Variants in RICTOR observed in about 807,000 individuals in gnomAD.
RICTOR encodes rapamycin-insensitive companion of mTOR.
In RICTOR, 49 loss-of-function variants were observed where a neutral mutation model predicts 214.9. The observed-to-expected ratio is 0.23, with a 90% confidence interval of 0.18 to 0.29. The LOEUF (loss-of-function observed/expected upper bound fraction) is 0.29. Ranked by LOEUF, RICTOR falls within the 10% of genes least tolerant of loss-of-function variation. RICTOR has a pLI of 1.00. For synonymous variants in RICTOR, 717 were observed against 711.3 expected (o/e 1.01, Z -0.13); for missense variants, 1,625 against 2,047.0 (o/e 0.79, Z 3.98).
intron 6 of RICTOR, among the ~76,000 whole-genome samples, chr5:38,994,502 T>G (rs548603525): frequency 7.0e-6 from 1 of 143,002 alleles, no homozygotes. Context: ...CTCTGGCCGA[T>G]AGAGGCCACT....
chr5:39,053,399 GA>G (rs1177926579), intron 2 of RICTOR, among the ~76,000 whole-genome samples: 1 of 152,058 alleles, frequency 6.6e-6, no homozygotes, highest in Non-Finnish European at 1.5e-5. Flanking sequence ...TCACTCAGAG[GA>G]AAAGAGTCTA....
intron 10 of RICTOR, among the ~76,000 whole-genome samples, chr5:38,973,237 T>C (rs932585095): frequency 2.0e-5 from 3 of 152,216 alleles, no homozygotes; most frequent in Non-Finnish European, 4.4e-5. Flanking sequence ...ACTAATGATG[T>C]GTGCATTTCA....
At chr5:38,979,928 T>G (rs1751565927) in intron 8 of RICTOR, among the ~76,000 whole-genome samples, 1 of 152,220 alleles carries the variant, frequency 6.6e-6, no homozygotes, top group Non-Finnish European at 1.5e-5. Context: ...TATTTCTTTT[T>G]TCTCTGTGCT....
chr5:38,981,741 T>C (rs1012807058), intron 8 of RICTOR, 126 bp downstream of exon 8: 17 of 601,592 alleles, frequency 2.8e-5, no homozygotes, highest in Non-Finnish European at 4.8e-5. Context: ...TGGGAATAAA[T>C]TAGTGTCGGC....
At chr5:38,994,143 TTG>T (rs1752988631) in intron 6 of RICTOR, among the ~76,000 whole-genome samples, 1 of 151,862 alleles carries the variant, frequency 6.6e-6, no homozygotes, top group Non-Finnish European at 1.5e-5. Flanking sequence ...TGAGCCGAGA[TTG>T]CACCACTGCA....
intron 3 of RICTOR, among the ~76,000 whole-genome samples, chr5:39,016,315 G>T (rs964203943): frequency 6.8e-6 from 1 of 147,954 alleles, no homozygotes; most frequent in Non-Finnish European, 1.5e-5. Flanking sequence ...GAAAAGGAAG[G>T]AGAGGGGGAA....
rs1172099885 is a variant in RICTOR, at chr5:38,978,703, C to T, written c.754-53G>A. 3 of 859,940 alleles carry T rather than the reference C, an allele frequency of 3.5e-6. No individual in the cohort carries two copies. In the African/African-American group the frequency reaches 5.2e-5, roughly 15 times the overall value. The allele number at this position is 859,940 out of a possible 1,614,324, so 53.3% of individuals were successfully genotyped here. ...AGTCTTTATTTTAAAATGCATCCTTCCTGCATTTTATGGAATGTAACATTC... is the reference window on the plus strand; with the variant it reads ...AGTCTTTATTTTAAAATGCATCCTTTCTGCATTTTATGGAATGTAACATTC... On this transcript the variant is annotated intron_variant, in intron 8 of 37. Transcript: ENST00000357387.
At chr5:39,068,683 A>G (rs1759083874) in intron 2 of RICTOR, among the ~76,000 whole-genome samples, 1 of 152,226 alleles carries the variant, frequency 6.6e-6, no homozygotes, top group African/African-American at 2.4e-5. Flanking sequence ...CTGCCACACG[A>G]TGACATAATG....
At chr5:39,023,297 T>G (rs770390980) in intron 2 of RICTOR, among the ~76,000 whole-genome samples, 2 of 149,896 alleles carry the variant, frequency 1.3e-5, no homozygotes, top group African/African-American at 4.9e-5. Flanking sequence ...TCAAAACCAC[T>G]GACAGAGAAA....
At chr5:39,016,134 A>C (rs1175377977) in intron 3 of RICTOR, among the ~76,000 whole-genome samples, 1 of 152,208 alleles carries the variant, frequency 6.6e-6, no homozygotes, top group Non-Finnish European at 1.5e-5. Context: ...AAATCATGGC[A>C]ACATAGCAAA....
chr5:39,056,091 T>A (rs544455351), intron 2 of RICTOR, among the ~76,000 whole-genome samples: 1 of 152,340 alleles, frequency 6.6e-6, no homozygotes, highest in African/African-American at 2.4e-5. Context: ...TTTGATGTAC[T>A]TGACGACATG....
chr5:38,962,284 T>C (rs766662807), intron 19 of RICTOR, 31 bp downstream of exon 19: 14 of 1,127,844 alleles, frequency 1.2e-5, no homozygotes, highest in Non-Finnish European at 1.8e-5. Context: ...TTAAGTTCTT[T>C]AAATTTAAAT....
At chr5:39,033,167 GTGTC>G (rs1398934758) in intron 2 of RICTOR, among the ~76,000 whole-genome samples, 1 of 152,084 alleles carries the variant, frequency 6.6e-6, no homozygotes, top group Non-Finnish European at 1.5e-5. Flanking sequence ...TTCAACTGCA[GTGTC>G]TGTTTTTCTT....
At chr5:39,007,306 C>CA (rs995169388) in intron 3 of RICTOR, among the ~76,000 whole-genome samples, 5 of 152,122 alleles carry the variant, frequency 3.3e-5, no homozygotes, top group Non-Finnish European at 7.4e-5. Context: ...CCTTGCCTTA[C>CA]ATATGGCTAT....
At chr5:38,960,628 A>G in intron 19 of RICTOR, 95 bp from the exon 20 acceptor site, 1 of 1,281,626 alleles carries the variant, frequency 7.8e-7, no homozygotes, top group Admixed American at 2.0e-5. Flanking sequence ...CTTTCAGAAT[A>G]TGTTTTGGGT....
intron 7 of RICTOR, among the ~76,000 whole-genome samples, chr5:38,986,313 T>C (rs1210212098): frequency 6.6e-6 from 1 of 152,196 alleles, no homozygotes; most frequent in Non-Finnish European, 1.5e-5. Flanking sequence ...TCTCAAGTCA[T>C]GCAGAACTGT....
chr5:38,958,576 T>G, intron 23 of RICTOR, 57 bp from the exon 24 acceptor site: 2 of 1,532,352 alleles, frequency 1.3e-6, no homozygotes, highest in Non-Finnish European at 1.8e-6. Context: ...AAATTTTTAG[T>G]TCCAAAATGC....
At chr5:39,035,126 T>C (rs1756578082) in intron 2 of RICTOR, among the ~76,000 whole-genome samples, 1 of 151,986 alleles carries the variant, frequency 6.6e-6, no homozygotes, top group African/African-American at 2.4e-5. Context: ...AGACAAAACT[T>C]CCAGAGGAAC....
intron 2 of RICTOR, among the ~76,000 whole-genome samples, chr5:39,028,436 C>T (rs1006605379): frequency 4.6e-5 from 7 of 152,070 alleles, no homozygotes; most frequent in Non-Finnish European, 8.8e-5. Flanking sequence ...CCCGCCTCGG[C>T]CTCCCAAAGT....
Sources: gnomAD v4.1 joint callset for allele counts (sites outside exome capture counted in the v4.1 genomes callset) on GRCh38, gnomAD v4.1.1 for gene constraint, MANE v1.5 for transcripts, NCBI Gene and HGNC (gene_info 2026-07-23, HGNC 2026-07-21) for gene names.